Variants in VPS53 observed in about 807,000 individuals in gnomAD.
VPS53 encodes the protein VPS53 subunit of GARP complex.
In VPS53, 70 loss-of-function variants were observed where a neutral mutation model predicts 107.0. That is an observed-to-expected ratio of 0.65 (90% CI 0.54 to 0.80). The LOEUF is 0.80. VPS53 is among the 30% of genes least tolerant of loss of function. The pLI, the probability that VPS53 is intolerant of heterozygous loss-of-function variation, is 0.00. For missense variants in VPS53, 917 were observed against 1,049.4 expected, an observed-to-expected ratio of 0.87 and a Z score of 1.74; for synonymous variants, 409 against 393.3, an observed-to-expected ratio of 1.04 and a Z score of -0.47.
intron 12 of VPS53, among the ~76,000 whole-genome samples, chr17:597,733 AC>A (rs1000572990): frequency 6.6e-6 from 1 of 151,510 alleles, no homozygotes; most frequent in African/African-American, 2.4e-5. Flanking sequence ...GTATGGTTTC[AC>A]CATGTTGTTT....
intron 12 of VPS53, chr17:599,957 G>C (rs1968250163): frequency 6.6e-6 from 1 of 152,218 alleles, no homozygotes; most frequent in East Asian, 1.9e-4. Context: ...AAGGTCACAT[G>C]GTCAGTCGGT....
intron 13 of VPS53, among the ~76,000 whole-genome samples, chr17:570,685 C>A (rs971223932): frequency 6.6e-6 from 1 of 152,080 alleles, no homozygotes; most frequent in Non-Finnish European, 1.5e-5. Context: ...AAACAACCTG[C>A]GATCTGAGAG....
At position 714,277 on chromosome 17, in the gene VPS53, C is replaced by G. The variant is rs184850736; in HGVS notation, c.87+346G>C. The G allele has an allele frequency of 6.0e-4, 161 of 266,802 alleles. 1 individual carries two copies. Among genetic ancestry groups the G allele is most frequent in the African/African-American group, 2.4e-3 (106 of 44,886 alleles). 16.5% of individuals were successfully genotyped at this position (266,802 alleles called of 1,614,324 possible). On this transcript the variant is annotated intron_variant, in intron 1 of 21. Coordinates refer to ENST00000437048, the MANE Select transcript of VPS53 (RefSeq NM_001128159.3). Reference sequence around the variant, plus strand: ...CCAGCTTGCAAAACCGGGGCGTTGGCACGAGTCTGGTAAATGCATGAAGCC... The same window carrying G: ...CCAGCTTGCAAAACCGGGGCGTTGGGACGAGTCTGGTAAATGCATGAAGCC...
At chr17:706,317 TCA>T in intron 2 of VPS53, among the ~76,000 whole-genome samples, 1 of 151,980 alleles carries the variant, frequency 6.6e-6, no homozygotes, top group Non-Finnish European at 1.5e-5. Flanking sequence ...GGTGGGCAGA[TCA>T]CAAGGTCAAG....
chr17:664,671 G>A (rs1041272977), intron 4 of VPS53, among the ~76,000 whole-genome samples: 1 of 152,186 alleles, frequency 6.6e-6, no homozygotes, highest in African/African-American at 2.4e-5. Context: ...CAAAGGGGCT[G>A]TGCAGGGGCA....
chr17:586,963 G>C (rs1967353378), intron 12 of VPS53, among the ~76,000 whole-genome samples: 1 of 151,962 alleles, frequency 6.6e-6, no homozygotes, highest in Admixed American at 6.6e-5. Context: ...GTAAGAAAAT[G>C]TAAGAAAAAG....
In VPS53 at chr17:562,574, G is replaced by A. The variant is rs752123823; in HGVS notation, c.1485C>T (p.Ile495=). ...CSQLSTGEPM[I]ALTTIFQKYL... The stretch of plus-strand genomic sequence containing the variant: ...ACTTCTGGAAAATGGTGGTCAGGGC[G>A]ATCATGGGCTCCCCAGTACTGAGCT... The change falls in exon 14 of 22, where the codon ATC becomes ATT. Residue 495 remains isoleucine (I), a synonymous_variant. Coordinates refer to ENST00000437048, the MANE Select transcript of VPS53 (RefSeq NM_001128159.3). 5.0e-6 allele frequency: 8 copies of A among 1,613,874 alleles called. No homozygotes were observed. Among genetic ancestry groups the A allele is most frequent in the South Asian group, 2.2e-5 (2 of 91,060 alleles).
intron 4 of VPS53, among the ~76,000 whole-genome samples, chr17:672,838 C>T (rs576694483): frequency 2.6e-4 from 39 of 152,122 alleles, no homozygotes; most frequent in African/African-American, 8.2e-4. Context: ...AGCGGCCGGG[C>T]GCAGTGGCTC....
At chr17:643,744 T>C (rs1457040885) in intron 7 of VPS53, among the ~76,000 whole-genome samples, 1 of 151,958 alleles carries the variant, frequency 6.6e-6, no homozygotes, top group Non-Finnish European at 1.5e-5. Flanking sequence ...ACAACACTCA[T>C]ACTTGGAAAG....
chr17:573,551 C>T (rs577037992), intron 13 of VPS53, among the ~76,000 whole-genome samples: 63 of 152,270 alleles, frequency 4.1e-4, no homozygotes, highest in African/African-American at 1.4e-3. Context: ...GCCACCCACC[C>T]ACATAGGAGT....
At chr17:699,954 G>A (rs1973132000) in intron 2 of VPS53, among the ~76,000 whole-genome samples, 1 of 152,138 alleles carries the variant, frequency 6.6e-6, no homozygotes, top group Non-Finnish European at 1.5e-5. Context: ...CAGTGAACAG[G>A]CAAGGAAAGG....
At position 518,982 on chromosome 17, in the gene VPS53, G is replaced by T; in HGVS notation, c.*146C>A. On this transcript the variant is annotated 3_prime_UTR_variant, in exon 22 of 22. Coordinates refer to ENST00000437048, the MANE Select transcript of VPS53 (RefSeq NM_001128159.3). The stretch of plus-strand genomic sequence containing the variant: ...TAGGGCAGGAAGTAAGACAGGGCAT[G>T]GGAGAGACTCAGTAACAACCCACAT... 1 of 883,972 alleles carries T rather than the reference G, an allele frequency of 1.1e-6. No individual in the cohort carries two copies. The highest frequency in any genetic ancestry group is 1.7e-6 in the Non-Finnish European group (1 of 604,086). The allele number at this position is 883,972 out of a possible 1,614,324, so 54.8% of individuals were successfully genotyped here. A position where few individuals can be genotyped will look rare whatever the true frequency, so the allele number is the denominator to read the frequency against.
chr17:586,945 T>A (rs1014734576), intron 12 of VPS53, among the ~76,000 whole-genome samples: 11 of 152,158 alleles, frequency 7.2e-5, no homozygotes, highest in African/African-American at 2.7e-4. Context: ...ATTTTTTGAA[T>A]TCCATCAGTA....
At chr17:701,801 A>C (rs1476586145) in intron 2 of VPS53, among the ~76,000 whole-genome samples, 1 of 152,152 alleles carries the variant, frequency 6.6e-6, no homozygotes, top group Admixed American at 6.6e-5. Flanking sequence ...ATCATAGCTC[A>C]CTGTAACCTC....
chr17:634,443 T>C (rs1377539116), intron 7 of VPS53, among the ~76,000 whole-genome samples: 4 of 152,028 alleles, frequency 2.6e-5, no homozygotes, highest in Admixed American at 1.3e-4. Flanking sequence ...ATGTGCACAA[T>C]GTGCAGGTTC....
At chr17:556,818 T>G (rs924590343) in intron 15 of VPS53, among the ~76,000 whole-genome samples, 4 of 127,264 alleles carry the variant, frequency 3.1e-5, no homozygotes, top group African/African-American at 1.2e-4. Flanking sequence ...AGCCGAGACG[T>G]AACTTCGGTT....
At chr17:707,536 A>G (rs1287812688) in intron 2 of VPS53, among the ~76,000 whole-genome samples, 4 of 151,540 alleles carry the variant, frequency 2.6e-5, no homozygotes, top group African/African-American at 9.7e-5. Flanking sequence ...AAAAAAAAAA[A>G]AAAGAAAATC....
chr17:662,070 C>A (rs772101992), intron 4 of VPS53, among the ~76,000 whole-genome samples, 175 bp from the exon 5 acceptor site: 4 of 152,100 alleles, frequency 2.6e-5, no homozygotes, highest in Non-Finnish European at 4.4e-5. Flanking sequence ...CCAGTGGCTG[C>A]GAACAGGTAA....
At chr17:563,331 GT>G (rs1312093254) in intron 13 of VPS53, among the ~76,000 whole-genome samples, 93 of 115,986 alleles carry the variant, frequency 8.0e-4, no homozygotes, top group Middle Eastern at 9.6e-3. Context: ...GTCTTGCTCT[GT>G]TGGCCCAGGC....
Sources: allele counts gnomAD v4.1 joint callset (sites outside exome capture counted in the v4.1 genomes callset), GRCh38; gene constraint gnomAD v4.1.1; transcripts MANE v1.5; gene names NCBI Gene and HGNC (gene_info 2026-07-23, HGNC 2026-07-21).